The following NUB1 variants were observed in gnomAD, a reference collection of about 807,000 sequenced individuals.
NUB1 encodes negative regulator of ubiquitin like proteins 1, also known as NEDD8 ultimate buster 1.
Under a neutral mutation model 77.1 loss-of-function variants are expected in NUB1, and 41 were observed. The observed-to-expected ratio is 0.53, with a 90% confidence interval of 0.41 to 0.69. The LOEUF (loss-of-function observed/expected upper bound fraction) is 0.69. Among genes scored for constraint, NUB1 ranks in the 30% least tolerant of loss-of-function variants. NUB1 has a pLI of 0.00. For missense variants in NUB1, 643 were observed against 743.8 expected (o/e 0.86, Z 1.58); for synonymous variants, 257 against 281.0 (o/e 0.91, Z 0.85).
intron 2 of NUB1, among the ~76,000 whole-genome samples, chr7:151,346,200 T>A (rs544545204): frequency 6.6e-6 from 1 of 152,364 alleles, no homozygotes; most frequent in South Asian, 2.1e-4. Flanking sequence ...CAAACTGTAT[T>A]AGGGTCCTAG....
intron 8 of NUB1, among the ~76,000 whole-genome samples, chr7:151,365,080 T>G (rs1265546181): frequency 6.6e-6 from 1 of 151,804 alleles, no homozygotes; most frequent in African/African-American, 2.4e-5. Context: ...TGCCTCGGCC[T>G]CCCAAAGTGC....
chr7:151,357,278 C>G (rs1387095328), intron 7 of NUB1, among the ~76,000 whole-genome samples: 2 of 151,836 alleles, frequency 1.3e-5, no homozygotes, highest in Non-Finnish European at 2.9e-5. Context: ...CACGCACCAC[C>G]ATGCCTGGCT....
intron 11 of NUB1, among the ~76,000 whole-genome samples, chr7:151,369,834 A>G (rs1214226682): frequency 2.6e-5 from 4 of 152,208 alleles, no homozygotes; most frequent in African/African-American, 9.6e-5. Context: ...TTTGCTAAAC[A>G]CTAGGATAAT....
In NUB1 at chr7:151,355,792, T is replaced by A; in HGVS notation, c.440T>A (p.Val147Glu). 1 of 1,603,464 alleles carries A rather than the reference T, an allele frequency of 6.2e-7. No individual in the cohort carries two copies. Among genetic ancestry groups the A allele is most frequent in the Non-Finnish European group, 8.5e-7 (1 of 1,174,770 alleles). ...GGGAAAACCCTTGAAGAACAAGGCG[T>A]GGCTCACAATGTGAAAGCGATGGTG... ...QLGKTLEEQG[V>E]AHNVKAMVLE... Residue 147 changes from valine to glutamate, a missense_variant, in exon 6 of 15, where the codon GTG becomes GAG. By Grantham distance (121) the Val-to-Glu change is moderately radical (BLOSUM62 -2). Transcript: ENST00000568733.
intron 7 of NUB1, 130 bp downstream of exon 7, chr7:151,356,352 A>G: frequency 1.4e-6 from 1 of 708,732 alleles, no homozygotes; most frequent in Non-Finnish European, 2.5e-6. Flanking sequence ...CCTCGTAAAC[A>G]GAAAATGTCA....
chr7:151,348,320 G>A (rs1435671996), intron 2 of NUB1, among the ~76,000 whole-genome samples: 1 of 151,722 alleles, frequency 6.6e-6, no homozygotes, highest in East Asian at 1.9e-4. Flanking sequence ...TTTTCATTAA[G>A]AGAATTGTTT....
chr7:151,349,893 A>G (rs1401289148), intron 3 of NUB1, among the ~76,000 whole-genome samples: 1 of 152,192 alleles, frequency 6.6e-6, no homozygotes, highest in Non-Finnish European at 1.5e-5. Context: ...CCGGAGGACC[A>G]CTACCACCTA....
chr7:151,363,529 A>C (rs968661016), intron 8 of NUB1, among the ~76,000 whole-genome samples: 17 of 152,154 alleles, frequency 1.1e-4, no homozygotes, highest in East Asian at 7.7e-4. Flanking sequence ...ATGTAATTGG[A>C]GTCCCTGGAA....
intron 9 of NUB1, 141 bp from the exon 10 acceptor site, chr7:151,367,720 C>A: frequency 1.7e-6 from 1 of 586,632 alleles, no homozygotes; most frequent in Non-Finnish European, 3.0e-6. Context: ...TCACTTTTGC[C>A]GTCAGTCATA....
intron 7 of NUB1, among the ~76,000 whole-genome samples, chr7:151,357,608 GT>G (rs111661341): frequency 0.3 from 43,016 of 143,096 alleles, 7,694 homozygotes; most frequent in African/African-American, 0.55. Context: ...AAAGATTAAA[GT>G]TTTTTTTTTT....
chr7:151,355,342 T>G (rs1189536999), intron 5 of NUB1, among the ~76,000 whole-genome samples: 3 of 152,202 alleles, frequency 2.0e-5, no homozygotes, highest in Non-Finnish European at 4.4e-5. Context: ...TGTAGGCATA[T>G]TTTTACCAAT....
At chr7:151,368,259 A>T (rs1473229323) in intron 10 of NUB1, among the ~76,000 whole-genome samples, 4 of 152,154 alleles carry the variant, frequency 2.6e-5, no homozygotes, top group Non-Finnish European at 4.4e-5. Flanking sequence ...AGCCTCAGCG[A>T]GGCGTCCTAG....
Position 151,376,460 on chromosome 7 carries a change from C to G in NUB1, c.1492-174C>G, listed in dbSNP as rs950466519. On this transcript the variant is annotated intron_variant, in intron 13 of 14. Transcript: ENST00000568733. ...ACCCGACTTGAGTCTTCCAAGCCCC[C>G]TTCCAGGTTGCTCTACGCTCACATT... is the stretch of plus-strand genomic sequence containing the variant. 6.3e-6 allele frequency: 4 copies of G among 632,332 alleles called. No individual in the cohort carries two copies. The South Asian group carries it at 9.6e-5, about 15-fold the overall frequency. The allele number at this position is 632,332 out of a possible 1,614,324, so 39.2% of individuals were successfully genotyped here.
At chr7:151,375,793 C>A (rs192595893) in intron 12 of NUB1, 55 bp from the exon 13 acceptor site, 4 of 1,186,768 alleles carry the variant, frequency 3.4e-6, no homozygotes, top group Non-Finnish European at 5.0e-6. Flanking sequence ...CAGCGCCTGT[C>A]TGAATGTGTG....
At chr7:151,342,906 C>G (rs1796280640) in intron 1 of NUB1, among the ~76,000 whole-genome samples, 2 of 152,114 alleles carry the variant, frequency 1.3e-5, no homozygotes, top group South Asian at 4.1e-4. Flanking sequence ...AACTCCTGAC[C>G]TCAGGTGATC....
At chr7:151,374,064 A>G in intron 11 of NUB1, 33 bp from the exon 12 acceptor site, 1 of 1,534,350 alleles carries the variant, frequency 6.5e-7, no homozygotes, top group Non-Finnish European at 8.8e-7. Context: ...CTCAGTCCCT[A>G]ACTTGGGATG....
chr7:151,366,707 G>A (rs1797703655), intron 8 of NUB1, among the ~76,000 whole-genome samples: 1 of 152,138 alleles, frequency 6.6e-6, no homozygotes, highest in Non-Finnish European at 1.5e-5. Context: ...GTGGTGGTAA[G>A]CTTTGATTCC....
chr7:151,344,602 C>A (rs777982120), intron 1 of NUB1, among the ~76,000 whole-genome samples: 8 of 151,978 alleles, frequency 5.3e-5, no homozygotes, highest in Non-Finnish European at 1.2e-4. Context: ...CAGGCCTGAG[C>A]CACCACACCC....
rs1247972133 is a variant in NUB1, at chr7:151,367,903, T to C, written c.1030T>C (p.Leu344=). 1 of 1,602,626 alleles carries C rather than the reference T, an allele frequency of 6.2e-7. No homozygotes were observed. Among genetic ancestry groups the C allele is most frequent in the East Asian group, 2.2e-5 (1 of 44,772 alleles). The stretch of plus-strand genomic sequence containing the variant: ...GAAGGTACTGTTTCTAAGACTCTAC[T>C]TACTTCAAGGGATCCGAAACTATCA... ...KEKVLFLRLY[L]LQGIRNYHSG... The change falls in exon 10 of 15, where the codon TTA becomes CTA. Residue 344 remains leucine, a synonymous_variant. Transcript: ENST00000568733.
Sources: allele counts gnomAD v4.1 joint callset (sites outside exome capture counted in the v4.1 genomes callset), GRCh38; gene constraint gnomAD v4.1.1; transcripts MANE v1.5; gene names NCBI Gene and HGNC (gene_info 2026-07-23, HGNC 2026-07-21).